Variants in LHFPL3 observed in about 807,000 individuals in gnomAD.
The protein encoded by LHFPL3 is LHFPL tetraspan subfamily member 3 protein.
In LHFPL3, 5 loss-of-function variants were observed where a neutral mutation model predicts 19.3. The observed-to-expected ratio is 0.26, with a 90% confidence interval of 0.14 to 0.54. LHFPL3 has a LOEUF of 0.54. LHFPL3 is among the 20% of genes least tolerant of loss of function. The pLI is 0.94. For missense variants in LHFPL3, 249 were observed against 307.4 expected (o/e 0.81, Z 1.42); for synonymous variants, 133 against 126.2 (o/e 1.05, Z -0.36).
chr7:104,351,259 C>A (rs1790169353), intron 1 of LHFPL3, among the ~76,000 whole-genome samples: 1 of 152,174 alleles, frequency 6.6e-6, no homozygotes, highest in Non-Finnish European at 1.5e-5. Flanking sequence ...CATACCTTAT[C>A]TATTTAGGCT....
intron 2 of LHFPL3, among the ~76,000 whole-genome samples, chr7:104,872,864 A>G (rs183751867): frequency 6.6e-6 from 1 of 152,340 alleles, no homozygotes; most frequent in African/African-American, 2.4e-5. Context: ...AAATAACTAT[A>G]AACAATAAAT....
intron 1 of LHFPL3, among the ~76,000 whole-genome samples, chr7:104,442,740 T>C (rs997061252): frequency 2.0e-5 from 3 of 152,224 alleles, no homozygotes; most frequent in African/African-American, 4.8e-5. Flanking sequence ...TGGCAACATA[T>C]TGTGCCTTTT....
chr7:104,329,461 G>T (rs1801529863), intron 1 of LHFPL3, among the ~76,000 whole-genome samples: 1 of 152,248 alleles, frequency 6.6e-6, no homozygotes, highest in African/African-American at 2.4e-5. Flanking sequence ...TGTGGGGGAC[G>T]CCCACTCAGA....
At chr7:104,650,513 A>G (rs992016605) in intron 1 of LHFPL3, among the ~76,000 whole-genome samples, 2 of 152,276 alleles carry the variant, frequency 1.3e-5, no homozygotes, top group African/African-American at 4.8e-5. Flanking sequence ...GAAATATTTC[A>G]GACTAAGCTA....
At chr7:104,597,203 AT>A (rs1290974922) in intron 1 of LHFPL3, among the ~76,000 whole-genome samples, 4 of 152,238 alleles carry the variant, frequency 2.6e-5, no homozygotes, top group African/African-American at 9.6e-5. Flanking sequence ...ATGTTAAGGC[AT>A]TTCTTTCCAT....
intron 2 of LHFPL3, among the ~76,000 whole-genome samples, chr7:104,855,693 A>G (rs751291315): frequency 1.1e-4 from 16 of 150,866 alleles, no homozygotes; most frequent in Non-Finnish European, 2.1e-4. Flanking sequence ...GCACAATCTC[A>G]GCTCACTGCA....
intron 2 of LHFPL3, among the ~76,000 whole-genome samples, chr7:104,880,220 G>A (rs2116680442): frequency 6.6e-6 from 1 of 152,238 alleles, no homozygotes; most frequent in Admixed American, 6.5e-5. Flanking sequence ...TAATGAGTGA[G>A]TTCTTGCTCT....
intron 2 of LHFPL3, among the ~76,000 whole-genome samples, chr7:104,850,555 A>G (rs1233220178): frequency 6.6e-6 from 1 of 152,242 alleles, no homozygotes; most frequent in Non-Finnish European, 1.5e-5. Flanking sequence ...ACCCTGATGC[A>G]GAGGGCTTCC....
chr7:104,386,057 G>A (rs550949174), intron 1 of LHFPL3, among the ~76,000 whole-genome samples: 26 of 152,258 alleles, frequency 1.7e-4, no homozygotes, highest in Admixed American at 4.6e-4. Context: ...GAGCTTTGTG[G>A]CATTTTTACT....
At chr7:104,566,680 A>T (rs1790131732) in intron 1 of LHFPL3, among the ~76,000 whole-genome samples, 2 of 152,190 alleles carry the variant, frequency 1.3e-5, no homozygotes, top group Non-Finnish European at 2.9e-5. Flanking sequence ...CAATGATGAA[A>T]CTGGACCAGT....
intron 1 of LHFPL3, among the ~76,000 whole-genome samples, chr7:104,488,345 T>C (rs80346661): frequency 6.6e-6 from 1 of 152,254 alleles, no homozygotes; most frequent in East Asian, 1.9e-4. Flanking sequence ...CATGTACATA[T>C]CAAAATTCCC....
At chr7:104,663,957 G>T (rs1223484462) in intron 1 of LHFPL3, among the ~76,000 whole-genome samples, 1 of 152,202 alleles carries the variant, frequency 6.6e-6, no homozygotes, top group Non-Finnish European at 1.5e-5. Context: ...AGTGTAAGGT[G>T]ATGTACTAGC....
chr7:104,817,174 G>A (rs1014594464), intron 2 of LHFPL3, among the ~76,000 whole-genome samples: 5 of 152,142 alleles, frequency 3.3e-5, no homozygotes, highest in East Asian at 1.9e-4. Context: ...CGCGGGCTAC[G>A]TTGCCAGTCT....
chr7:104,564,185 GT>G (rs546242108), intron 1 of LHFPL3, among the ~76,000 whole-genome samples: 28 of 152,204 alleles, frequency 1.8e-4, no homozygotes, highest in African/African-American at 6.3e-4. Flanking sequence ...ACTTATGTTT[GT>G]TTCACTTAAA....
intron 1 of LHFPL3, among the ~76,000 whole-genome samples, chr7:104,450,264 T>C (rs533204188): frequency 1.3e-5 from 2 of 152,260 alleles, no homozygotes; most frequent in South Asian, 4.1e-4. Context: ...CCCTTAGCAT[T>C]AAAAGACCCT....
intron 2 of LHFPL3, among the ~76,000 whole-genome samples, chr7:104,830,865 T>C (rs957595166): frequency 1.3e-5 from 2 of 151,852 alleles, no homozygotes; most frequent in Admixed American, 6.5e-5. Flanking sequence ...ATGGAATATA[T>C]AGAAGAAGAA....
intron 1 of LHFPL3, among the ~76,000 whole-genome samples, chr7:104,373,337 TAAATG>T (rs1175376529): frequency 2.6e-5 from 4 of 152,194 alleles, no homozygotes; most frequent in Non-Finnish European, 5.9e-5. Context: ...AATTGTGAAA[TAAATG>T]AAATGAATGT....
At chr7:104,548,690 T>A (rs1297471318) in intron 1 of LHFPL3, among the ~76,000 whole-genome samples, 1 of 152,216 alleles carries the variant, frequency 6.6e-6, no homozygotes, top group Non-Finnish European at 1.5e-5. Context: ...CTGGATTTGT[T>A]AGCCAGCCCA....
chr7:104,376,855 A>G (rs1429799357), intron 1 of LHFPL3, among the ~76,000 whole-genome samples: 1 of 152,200 alleles, frequency 6.6e-6, no homozygotes, highest in Non-Finnish European at 1.5e-5. Context: ...TTTTCTGGAA[A>G]ATAATGTAGC....
Sources: allele counts gnomAD v4.1 joint callset (sites outside exome capture counted in the v4.1 genomes callset), GRCh38; gene constraint gnomAD v4.1.1; transcripts MANE v1.5; gene names NCBI Gene and HGNC (gene_info 2026-07-23, HGNC 2026-07-21).